The following PHACTR3 variants were observed in gnomAD, a reference collection of about 807,000 sequenced individuals.
PHACTR3 encodes phosphatase and actin regulator 3, also known as protein phosphatase 1, regulatory subunit 123.
Under a neutral mutation model 66.8 loss-of-function variants are expected in PHACTR3, and 16 were observed. The observed-to-expected ratio is 0.24, with a 90% CI of 0.16 to 0.36. The LOEUF is 0.36. PHACTR3 is among the 10% of genes least tolerant of loss of function. The pLI is 1.00. For synonymous variants in PHACTR3, 323 were observed against 292.1 expected (o/e 1.11, Z -1.08); for missense variants, 647 against 719.9 (o/e 0.90, Z 1.16).
chr20:59,583,844 G>A (rs1218418797), intron 1 of PHACTR3, among the ~76,000 whole-genome samples: 3 of 152,208 alleles, frequency 2.0e-5, no homozygotes, highest in African/African-American at 7.2e-5. Context: ...TGGCCTAGAT[G>A]ACCTGGAGCA....
At chr20:59,776,340 C>T (rs1191705079) in intron 7 of PHACTR3, among the ~76,000 whole-genome samples, 1 of 152,222 alleles carries the variant, frequency 6.6e-6, no homozygotes, top group Non-Finnish European at 1.5e-5. Flanking sequence ...GGTCATGCAG[C>T]TCGTTGGTGC....
At chr20:59,704,992 T>C (rs1424376503) in intron 1 of PHACTR3, among the ~76,000 whole-genome samples, 3 of 151,320 alleles carry the variant, frequency 2.0e-5, no homozygotes, top group South Asian at 4.2e-4. Context: ...GGTCTCACTC[T>C]GTCGCCCAGA....
intron 1 of PHACTR3, among the ~76,000 whole-genome samples, chr20:59,688,415 A>G (rs1383372801): frequency 1.3e-5 from 2 of 152,200 alleles, no homozygotes; most frequent in Admixed American, 6.5e-5. Flanking sequence ...CCTTCATCCC[A>G]AACATCTGCT....
intron 5 of PHACTR3, among the ~76,000 whole-genome samples, chr20:59,771,562 C>T (rs2040361891): frequency 6.6e-6 from 1 of 152,048 alleles, no homozygotes; most frequent in Non-Finnish European, 1.5e-5. Context: ...ACTCTCAGCC[C>T]ACCTGCGTGG....
At position 59,759,307 on chromosome 20, in the gene PHACTR3, G is replaced by A. The variant is rs1459255680; in HGVS notation, c.541+3943G>A. On this transcript the variant is annotated intron_variant, in intron 4 of 12. Transcript: ENST00000371015. ...GGCCATGAGCAACATCCCTATAAAC[G>A]GGGTATAACTTAACACAGGGACATT... 5.3e-5 allele frequency among the ~76,000 whole-genome samples: 8 copies of A among 152,300 alleles called. No individual in the cohort carries two copies. In the South Asian group the frequency reaches 6.2e-4, roughly 12 times the overall value.
chr20:59,772,638 G>C (rs2040398139), intron 5 of PHACTR3, among the ~76,000 whole-genome samples: 1 of 152,218 alleles, frequency 6.6e-6, no homozygotes, highest in South Asian at 2.1e-4. Context: ...CTGGAGTGAA[G>C]AGAGTGAGGT....
Position 59,584,225 on chromosome 20 carries a change from CGTGTGCCTGT to C in PHACTR3, c.109+6618_109+6627del, listed in dbSNP as rs201238463. Reference sequence around the variant, plus strand: ...GAGAGTGTGAGGATGTACATGAGTGCGTGTGCCTGTGTGTGCCTGATTGTGTGTGTGTATG... The same window carrying C: ...GAGAGTGTGAGGATGTACATGAGTGCGTGTGCCTGATTGTGTGTGTGTATG... On this transcript the variant is annotated intron_variant, in intron 1 of 12. Transcript: ENST00000359926. Among the ~76,000 whole-genome samples, 1,055 of 152,072 alleles carry C rather than the reference CGTGTGCCTGT, an allele frequency of 6.9e-3. 15 individuals carry two copies. Among genetic ancestry groups the C allele is most frequent in the African/African-American group, 0.024 (998 of 41,464 alleles).
rs189993362 is a variant in PHACTR3 at position 59,834,058 on chromosome 20, A to G, written c.1329-2447A>G. Among the ~76,000 whole-genome samples the G allele has an allele frequency of 1.8e-4, 28 of 152,218 alleles. No individual in the cohort carries two copies. The East Asian group carries it at 4.8e-3, about 26-fold the overall frequency. On this transcript the variant is annotated intron_variant, in intron 8 of 12. Transcript: ENST00000371015. ...TAGGACCCCTTCCTCATTGTTGCTT[A>G]CTTATTAGGACTCCACGTTTTACTT...
chr20:59,761,018 C>A (rs2039976320), intron 4 of PHACTR3, among the ~76,000 whole-genome samples: 1 of 152,092 alleles, frequency 6.6e-6, no homozygotes, highest in South Asian at 2.1e-4. Context: ...GTTTGATCTT[C>A]ACCATAACAG....
rs76811122 is a variant in PHACTR3, at chr20:59,795,702, T to C, written c.1175-10339T>C. 3.6e-3 allele frequency among the ~76,000 whole-genome samples: 555 copies of C among 152,240 alleles called. 3 individuals are homozygous for C. Among genetic ancestry groups the C allele is most frequent in the African/African-American group, 0.012 (494 of 41,580 alleles). ...TATTTACAATGGTAACATCCTCTTG[T>C]TGAATTGATTTCATCATTGTATAAT... On this transcript the variant is annotated intron_variant, in intron 7 of 12. Coordinates refer to ENST00000371015, the MANE Select transcript of PHACTR3 (RefSeq NM_080672.5).
At chr20:59,601,577 G>A (rs1178583402), upstream of PHACTR3, among the ~76,000 whole-genome samples, 3 of 152,146 alleles carry the variant, frequency 2.0e-5, no homozygotes, top group Non-Finnish European at 4.4e-5. Context: ...CACACCTTGG[G>A]GACCAGATCC....
intron 1 of PHACTR3, among the ~76,000 whole-genome samples, chr20:59,597,116 C>A (rs1168591918): frequency 6.6e-6 from 1 of 152,140 alleles, no homozygotes; most frequent in African/African-American, 2.4e-5. Context: ...GAGGGATGAG[C>A]TGGAGCTGGT....
intron 1 of PHACTR3, among the ~76,000 whole-genome samples, chr20:59,682,998 AC>A (rs2036722310): frequency 6.6e-6 from 1 of 152,210 alleles, no homozygotes; most frequent in Non-Finnish European, 1.5e-5. Flanking sequence ...GTCCAGGTGG[AC>A]TGACCAGCCT....
At chr20:59,666,185 G>A (rs748407332) in intron 1 of PHACTR3, among the ~76,000 whole-genome samples, 1 of 152,174 alleles carries the variant, frequency 6.6e-6, no homozygotes, top group Non-Finnish European at 1.5e-5. Flanking sequence ...ACATCAATAT[G>A]CTGGTGTGTG....
intron 1 of PHACTR3, among the ~76,000 whole-genome samples, chr20:59,706,770 T>A (rs780155258): frequency 6.6e-6 from 1 of 152,188 alleles, no homozygotes; most frequent in Non-Finnish European, 1.5e-5. Flanking sequence ...GACCTTCTGT[T>A]TGAGCACCCA....
chr20:59,616,583 T>A (rs2146355408), intron 1 of PHACTR3, among the ~76,000 whole-genome samples: 1 of 152,304 alleles, frequency 6.6e-6, no homozygotes, highest in South Asian at 2.1e-4. Flanking sequence ...GCAGTCAGAA[T>A]ACTGAGTTGG....
At position 59,830,886 on chromosome 20, in the gene PHACTR3, G is replaced by T. The variant is rs779436007; in HGVS notation, c.1329-5619G>T. Among the ~76,000 whole-genome samples, 6 of 152,142 alleles carry T rather than the reference G, an allele frequency of 3.9e-5. No homozygotes were observed. Among genetic ancestry groups the T allele is most frequent in the Non-Finnish European group, 8.8e-5 (6 of 68,022 alleles). The stretch of plus-strand genomic sequence containing the variant: ...TGCTGGGGCACCAGTGCTGACTGTG[G>T]AATAGACAGTTGACAGCCTCCACAG... On this transcript the variant is annotated intron_variant, in intron 8 of 12. Coordinates refer to ENST00000371015, the MANE Select transcript of PHACTR3 (RefSeq NM_080672.5). The surrounding 1 kb of genome is among the most constrained non-coding windows in gnomAD (Gnocchi z 5.8).
intron 1 of PHACTR3, among the ~76,000 whole-genome samples, chr20:59,664,629 C>G (rs1025697995): frequency 6.6e-5 from 10 of 152,244 alleles, no homozygotes; most frequent in African/African-American, 2.4e-4. Flanking sequence ...TGCCTCACTG[C>G]TGGCAGAAAT....
chr20:59,825,758 G>A (rs1038423301), intron 8 of PHACTR3, among the ~76,000 whole-genome samples: 5 of 152,142 alleles, frequency 3.3e-5, no homozygotes, highest in African/African-American at 1.2e-4. Context: ...AGGCAGAGGC[G>A]CTGGGTGGGA....
Sources: gnomAD v4.1 joint callset for allele counts (sites outside exome capture counted in the v4.1 genomes callset) on GRCh38, gnomAD v4.1.1 for gene constraint, Gnocchi (gnomAD v3.1) non-coding constraint, MANE v1.5 for transcripts, NCBI Gene and HGNC (gene_info 2026-07-23, HGNC 2026-07-21) for gene names.